The following UNC13A variants were observed in gnomAD, a reference collection of about 807,000 sequenced individuals.
The protein encoded by UNC13A is protein unc-13 homolog A.
UNC13A carries 61 observed loss-of-function variants against 219.7 expected under a neutral mutation model. That is an observed-to-expected ratio of 0.28 (90% CI 0.23 to 0.34). The LOEUF is 0.34. Among genes scored for constraint, UNC13A ranks in the 10% least tolerant of loss-of-function variants. The pLI is 1.00. For synonymous variants in UNC13A, 920 were observed against 884.6 expected (o/e 1.04, Z -0.71); for missense variants, 1,476 against 2,270.3 (o/e 0.65, Z 7.11).
chr19:17,656,440 C>A, intron 9 of UNC13A, 42 bp from the exon 10 acceptor site: 1 of 1,460,672 alleles, frequency 6.8e-7, no homozygotes, highest in South Asian at 1.4e-5. Context: ...GGTACCGAGT[C>A]ACTGCCCACC....
At chr19:17,608,706 C>T (rs866359884) in intron 43 of UNC13A, among the ~76,000 whole-genome samples, 30 of 151,200 alleles carry the variant, frequency 2.0e-4, no homozygotes, top group African/African-American at 4.9e-4. Flanking sequence ...TTAGTAGAGA[C>T]GGGGTTTCAC....
At chr19:17,641,326 C>T in intron 21 of UNC13A, 67 bp downstream of exon 21, 1 of 1,581,232 alleles carries the variant, frequency 6.3e-7, no homozygotes, top group Non-Finnish European at 8.6e-7. Context: ...TCCCTCCCAC[C>T]CCAGACCTGC....
Position 17,649,488 on chromosome 19 carries a change from G to A in UNC13A, c.1518+21C>T, listed in dbSNP as rs1397692178. The A allele has an allele frequency of 1.2e-6, 2 of 1,613,942 alleles. No individual in the cohort carries two copies. The highest frequency in any genetic ancestry group is 1.3e-5 in the African/African-American group (1 of 75,042). On this transcript the variant is annotated intron_variant, in intron 13 of 43. Coordinates refer to ENST00000519716, the MANE Select transcript of UNC13A (RefSeq NM_001080421.3). The surrounding 1 kb of genome is among the most constrained non-coding windows in gnomAD (Gnocchi z 4.4). ...ATAGCAGGCCTGCTCTGCTCAGGGA[G>A]TAAAGGGCGAGGGTGCTTACCAAGT...
intron 7 of UNC13A, among the ~76,000 whole-genome samples, chr19:17,664,068 G>C (rs2079599811): frequency 1.3e-5 from 2 of 152,056 alleles, no homozygotes; most frequent in African/African-American, 4.8e-5. Context: ...AGGCCGAGTA[G>C]CTGGGATTTA....
At chr19:17,608,356 TATAA>T (rs555078039) in intron 43 of UNC13A, among the ~76,000 whole-genome samples, 2,589 of 124,874 alleles carry the variant, frequency 0.021, 85 homozygotes, top group African/African-American at 0.073. Flanking sequence ...TTATATATAA[TATAA>T]ATATATATTA....
intron 1 of UNC13A, among the ~76,000 whole-genome samples, chr19:17,686,959 T>G (rs577003039): frequency 1.3e-5 from 2 of 152,152 alleles, no homozygotes; most frequent in South Asian, 4.1e-4. Flanking sequence ...GTCTCAGGCT[T>G]GGCAGACACA....
At chr19:17,611,027 T>C (rs992964891) in intron 42 of UNC13A, among the ~76,000 whole-genome samples, 1 of 152,042 alleles carries the variant, frequency 6.6e-6, no homozygotes, top group African/African-American at 2.4e-5. Context: ...AGTGAGACTC[T>C]GGCCTCTAAA....
At chr19:17,611,277 G>A (rs769690301) in intron 42 of UNC13A, among the ~76,000 whole-genome samples, 3 of 152,058 alleles carry the variant, frequency 2.0e-5, no homozygotes, top group Admixed American at 6.6e-5. Flanking sequence ...TCCACCTCCC[G>A]GGTTCAAGCG....
In UNC13A at chr19:17,674,784, C is replaced by T; in HGVS notation, c.53-28G>A. On this transcript the variant is annotated intron_variant, in intron 2 of 43. Transcript: ENST00000519716. The surrounding 1 kb of genome is among the most constrained non-coding windows in gnomAD (Gnocchi z 5.0). ...GTGGCAGTGAGAGTAGGGGTCAGCG[C>T]TGGGGCTCAGGGACTCTCCAATGCC... 1.3e-6 allele frequency: 2 copies of T among 1,594,526 alleles called. No homozygotes were observed. The highest frequency in any genetic ancestry group is 1.7e-6 in the Non-Finnish European group (2 of 1,162,428).
rs563253613 is a variant in UNC13A at position 17,640,044 on chromosome 19, T to G, written c.2788-136A>C. On this transcript the variant is annotated intron_variant, in intron 22 of 43. Transcript: ENST00000519716. ...CATTTCCATTCTATGGCATTTTTTT[T>G]TTTGTTTTGAGACAGAGTCTTGCTC... is the stretch of plus-strand genomic sequence containing the variant. The G allele has an allele frequency of 1.2e-4, 110 of 908,448 alleles. 1 individual carries two copies. The highest frequency in any genetic ancestry group is 1.2e-3 in the African/African-American group (70 of 59,860). The allele number at this position is 908,448 out of a possible 1,614,324, so 56.3% of individuals were successfully genotyped here.
chr19:17,671,006 T>C (rs2079777992), intron 4 of UNC13A, among the ~76,000 whole-genome samples: 1 of 152,020 alleles, frequency 6.6e-6, no homozygotes, highest in Admixed American at 6.6e-5. Flanking sequence ...GTCCCTCCTC[T>C]ATGCCTGGTT....
chr19:17,656,852 CAAAAAAAAAAAA>C (rs59091574), intron 9 of UNC13A, among the ~76,000 whole-genome samples: 5 of 102,192 alleles, frequency 4.9e-5, no homozygotes, highest in African/African-American at 1.5e-4. Context: ...AATTCCGTCT[CAAAAAAAAAAAA>C]AAAAAAAAAA....
At chr19:17,630,389 T>C in intron 29 of UNC13A, 101 bp from the exon 30 acceptor site, 1 of 1,500,226 alleles carries the variant, frequency 6.7e-7, no homozygotes, top group Non-Finnish European at 8.9e-7. Flanking sequence ...GAGACCAATT[T>C]CCCCGGGGTG....
chr19:17,674,753 T>C lies in UNC13A; in HGVS notation c.56A>G (p.Lys19Arg). The C allele has an allele frequency of 1.2e-6, 2 of 1,613,888 alleles. No individual in the cohort carries two copies. The highest frequency in any genetic ancestry group is 1.7e-6 in the Non-Finnish European group (2 of 1,179,834). ...KKAKFDGAQEKFNTYVTLKVQ... is the reference protein window; with the variant it reads ...KKAKFDGAQERFNTYVTLKVQ... ...TTTCAGGGTCACGTACGTGTTGAAT[T>C]TCTCTGTGGCAGTGAGAGTAGGGGT... is the stretch of plus-strand genomic sequence containing the variant. The change falls in exon 3 of 44, where the codon AAA (lysine) becomes AGA (arginine). Residue 19 changes from lysine to arginine, a missense_variant. Around this residue, in one of 14 missense-constraint regions of UNC13A, gnomAD observed 203 missense variants for 301.6 expected, o/e 0.67. Coordinates refer to ENST00000519716, the MANE Select transcript of UNC13A (RefSeq NM_001080421.3). The surrounding 1 kb of genome is among the most constrained non-coding windows in gnomAD (Gnocchi z 5.0).
rs748919854 is a variant in UNC13A at position 17,655,305 on chromosome 19, G to A, written c.1361C>T (p.Ala454Val). The change falls in exon 11 of 44, where the codon GCC becomes GTC. Residue 454 changes from alanine (A) to valine (V), a missense_variant. Ala to Val is a moderately conservative substitution (Grantham distance 64). Transcript: ENST00000519716. ...CAGCTGCATCCGCACCTTGTTGAAG[G>A]CACGCAGCCAGTTGGCCTTGGCCCT... ...MSRAKANWLR[A>V]FNKVRMQLQE... The A allele has an allele frequency of 1.3e-6, 2 of 1,586,764 alleles. No individual in the cohort carries two copies. The highest frequency in any genetic ancestry group is 2.7e-5 in the African/African-American group (2 of 74,426).
intron 42 of UNC13A, among the ~76,000 whole-genome samples, chr19:17,610,669 C>G (rs1466292962): frequency 6.6e-6 from 1 of 152,158 alleles, no homozygotes; most frequent in Non-Finnish European, 1.5e-5. Context: ...AAACTTTCTC[C>G]TTCCTCTAGC....
At chr19:17,685,339 C>T (rs769871605) in intron 1 of UNC13A, among the ~76,000 whole-genome samples, 25 of 152,006 alleles carry the variant, frequency 1.6e-4, no homozygotes, top group South Asian at 4.1e-4. Flanking sequence ...TACAGGTGCG[C>T]GCCACCACAC....
intron 5 of UNC13A, among the ~76,000 whole-genome samples, chr19:17,669,290 G>A (rs1478937036): frequency 6.6e-6 from 1 of 152,166 alleles, no homozygotes; most frequent in African/African-American, 2.4e-5. Context: ...AGCCAGGATA[G>A]CTCAACCCTG....
chr19:17,645,889 T>TG, intron 18 of UNC13A, 46 bp from the exon 19 acceptor site: 1 of 1,589,068 alleles, frequency 6.3e-7, no homozygotes, highest in Non-Finnish European at 8.6e-7. Flanking sequence ...GCAGCCAGTG[T>TG]GAGTCCTGTC....
Sources: allele counts gnomAD v4.1 joint callset (sites outside exome capture counted in the v4.1 genomes callset), GRCh38; gene constraint gnomAD v4.1.1; regional missense constraint gnomAD v4.1.1; non-coding constraint Gnocchi (gnomAD v3.1); transcripts MANE v1.5; gene names NCBI Gene and HGNC (gene_info 2026-07-23, HGNC 2026-07-21).